The following USP15 variants were observed in gnomAD, a reference collection of about 807,000 sequenced individuals.
USP15 encodes ubiquitin specific peptidase 15.
In USP15, 18 loss-of-function variants were observed where a neutral mutation model predicts 127.1. The observed-to-expected ratio is 0.14, with a 90% CI of 0.10 to 0.21. USP15 has a LOEUF of 0.21. Ranked by LOEUF, USP15 falls within the 10% of genes least tolerant of loss-of-function variation. The pLI, the probability that USP15 is intolerant of heterozygous loss-of-function variation, is 1.00. For synonymous variants in USP15, 364 were observed against 393.7 expected (o/e 0.92, Z 0.89); for missense variants, 805 against 1,159.9 (o/e 0.69, Z 4.44).
chr12:62,271,210 G>A (rs1271598363), intron 1 of USP15, among the ~76,000 whole-genome samples: 5 of 151,942 alleles, frequency 3.3e-5, no homozygotes, highest in African/African-American at 7.3e-5. Flanking sequence ...TGAAAAAATC[G>A]TCACATCATA....
At chr12:62,348,730 A>G (rs941512326) in intron 6 of USP15, among the ~76,000 whole-genome samples, 4 of 152,174 alleles carry the variant, frequency 2.6e-5, no homozygotes, top group Non-Finnish European at 5.9e-5. Flanking sequence ...TTGGCCAAAT[A>G]TAGCATATTG....
At chr12:62,366,488 A>G (rs1293112743) in intron 8 of USP15, among the ~76,000 whole-genome samples, 3 of 152,230 alleles carry the variant, frequency 2.0e-5, no homozygotes, top group South Asian at 2.1e-4. Flanking sequence ...CAATCATGCC[A>G]TCTGCCAACA....
intron 1 of USP15, among the ~76,000 whole-genome samples, chr12:62,290,182 G>A (rs978610201): frequency 6.6e-6 from 1 of 152,122 alleles, no homozygotes; most frequent in African/African-American, 2.4e-5. Flanking sequence ...TTTGTGTCCT[G>A]ATGATCTGTC....
rs1010430843 is a variant in USP15 at position 62,407,029 on chromosome 12, A to G, written c.*2654A>G. On this transcript the variant is annotated 3_prime_UTR_variant, in exon 22 of 22. Coordinates refer to ENST00000280377, the MANE Select transcript of USP15 (RefSeq NM_001252078.2). ...GGAATATATCTAGACTAGAATTTCT[A>G]CTTCTAGCTTTGCCACTTAGCAATC... 3 of 152,148 alleles carry G rather than the reference A, an allele frequency of 2.0e-5. No homozygotes were observed. The highest frequency in any genetic ancestry group is 4.8e-5 in the African/African-American group (2 of 41,432). 9.4% of individuals were successfully genotyped at this position (152,148 alleles called of 1,614,324 possible). A position where few individuals can be genotyped will look rare whatever the true frequency, so the allele number is the denominator to read the frequency against.
chr12:62,347,000 T>A (rs2065838869), intron 6 of USP15, among the ~76,000 whole-genome samples: 1 of 151,836 alleles, frequency 6.6e-6, no homozygotes, highest in South Asian at 2.1e-4. Flanking sequence ...CAAAATTTTA[T>A]ATTAGAATTT....
intron 6 of USP15, among the ~76,000 whole-genome samples, chr12:62,332,326 G>A (rs2065329201): frequency 6.6e-6 from 1 of 151,848 alleles, no homozygotes; most frequent in Non-Finnish European, 1.5e-5. Context: ...TTCTTAAACA[G>A]CCTCTTAAAA....
intron 3 of USP15, among the ~76,000 whole-genome samples, chr12:62,311,947 T>C (rs2064692850): frequency 6.6e-6 from 1 of 151,840 alleles, no homozygotes; most frequent in Non-Finnish European, 1.5e-5. Flanking sequence ...GATGGTATTG[T>C]GGTTATGTTT....
chr12:62,352,635 C>G (rs1055659543), intron 7 of USP15, among the ~76,000 whole-genome samples: 1 of 151,912 alleles, frequency 6.6e-6, no homozygotes, highest in Non-Finnish European at 1.5e-5. Flanking sequence ...TCAACAGGAA[C>G]TGTGAATTTT....
intron 2 of USP15, among the ~76,000 whole-genome samples, chr12:62,298,810 C>A (rs886584324): frequency 3.6e-5 from 4 of 109,754 alleles, no homozygotes; most frequent in African/African-American, 7.3e-5. Context: ...GCATGGGTGA[C>A]AGAGTAAGAC....
intron 6 of USP15, chr12:62,335,374 C>T: frequency 2.8e-6 from 4 of 1,426,000 alleles, no homozygotes; most frequent in Middle Eastern, 1.8e-4. Flanking sequence ...CGTTATCACT[C>T]AACAGTAATG....
intron 1 of USP15, among the ~76,000 whole-genome samples, chr12:62,286,356 T>C (rs2063785327): frequency 6.6e-6 from 1 of 152,152 alleles, no homozygotes; most frequent in Non-Finnish European, 1.5e-5. Flanking sequence ...TTGAAATGGC[T>C]ATTATTAAAA....
intron 1 of USP15, among the ~76,000 whole-genome samples, chr12:62,288,576 A>G (rs763815658): frequency 1.3e-5 from 2 of 151,704 alleles, no homozygotes; most frequent in Non-Finnish European, 2.9e-5. Context: ...CTCTTTTCCA[A>G]CTTGGATGAC....
intron 2 of USP15, among the ~76,000 whole-genome samples, chr12:62,297,621 A>T (rs970867103): frequency 5.9e-5 from 9 of 152,240 alleles, no homozygotes; most frequent in African/African-American, 1.7e-4. Flanking sequence ...TACAGAAAAG[A>T]CATATCCACA....
At chr12:62,261,118 G>C (rs976768912) in intron 1 of USP15, among the ~76,000 whole-genome samples, 1 of 152,116 alleles carries the variant, frequency 6.6e-6, no homozygotes, top group African/African-American at 2.4e-5. Context: ...GAGACCACGT[G>C]GTCTTGTGCT....
At position 62,385,362 on chromosome 12, in the gene USP15, A is replaced by G. The variant is rs77543136; in HGVS notation, c.1473+1060A>G. On this transcript the variant is annotated intron_variant, in intron 11 of 21. Transcript: ENST00000280377. ...ATGTCTATATGAAAGCTATATTTGAACAAAATTATGATCTTACCATTCAGG... is the reference window on the plus strand; with the variant it reads ...ATGTCTATATGAAAGCTATATTTGAGCAAAATTATGATCTTACCATTCAGG... 7.0e-3 allele frequency among the ~76,000 whole-genome samples: 1,062 copies of G among 152,050 alleles called. 9 individuals are homozygous for G. The highest frequency in any genetic ancestry group is 0.023 in the African/African-American group (968 of 41,544).
chr12:62,378,084 A>G (rs981823664), intron 8 of USP15, among the ~76,000 whole-genome samples: 9 of 151,746 alleles, frequency 5.9e-5, no homozygotes, highest in Non-Finnish European at 1.2e-4. Flanking sequence ...GTGGGCGCCT[A>G]TAATCCCAGC....
intron 1 of USP15, among the ~76,000 whole-genome samples, chr12:62,286,925 G>T (rs886308951): frequency 1.5e-5 from 2 of 132,262 alleles, no homozygotes; most frequent in African/African-American, 6.3e-5. Context: ...CAACAAGAGC[G>T]AAACTCTGTC....
intron 8 of USP15, among the ~76,000 whole-genome samples, chr12:62,369,936 C>T (rs1470721241): frequency 2.0e-5 from 3 of 152,088 alleles, no homozygotes; most frequent in African/African-American, 7.2e-5. Context: ...CTTACCATCC[C>T]TGAGACCTGT....
intron 1 of USP15, among the ~76,000 whole-genome samples, chr12:62,282,475 A>G (rs764833561): frequency 6.6e-5 from 10 of 152,252 alleles, no homozygotes; most frequent in Non-Finnish European, 1.2e-4. Context: ...ACTGTACTGT[A>G]CTTACCCTTT....
Sources: allele counts gnomAD v4.1 joint callset (sites outside exome capture counted in the v4.1 genomes callset), GRCh38; gene constraint gnomAD v4.1.1; transcripts MANE v1.5; gene names NCBI Gene and HGNC (gene_info 2026-07-23, HGNC 2026-07-21).